LRRD1: variants seen among roughly 807,000 people sequenced by gnomAD.
The protein encoded by LRRD1 is leucine-rich repeat and death domain-containing protein 1.
In LRRD1, 49 loss-of-function variants were observed where a neutral mutation model predicts 69.5. That is an observed-to-expected ratio of 0.70 (90% CI 0.56 to 0.89). The LOEUF (loss-of-function observed/expected upper bound fraction) is 0.89, where lower values mean the gene tolerates loss of function less well. Ranked by LOEUF, LRRD1 falls within the 40% of genes least tolerant of loss-of-function variation. The pLI is 0.00. For missense variants in LRRD1, 853 were observed against 956.0 expected, an observed-to-expected ratio of 0.89 and a Z score of 1.42; for synonymous variants, 303 against 338.9, an observed-to-expected ratio of 0.89 and a Z score of 1.16.
rs981178392 is a variant in LRRD1 at position 92,167,392 on chromosome 7, T to G, written c.-74-2116A>C. Among the ~76,000 whole-genome samples, 4 of 151,536 alleles carry G rather than the reference T, an allele frequency of 2.6e-5. No individual in the cohort carries two copies. The South Asian group carries it at 8.4e-4, about 32-fold the overall frequency. ...TACAGGTGTGAGCCTGTAAACTTTT[T>G]AGTTTTGGTAATTGCACTATGATTA... On this transcript the variant is annotated intron_variant, in intron 1 of 5. Coordinates refer to ENST00000458448, the MANE Select transcript of LRRD1 (RefSeq NM_001161528.2).
At chr7:92,161,859 A>G (rs1040010460) in intron 2 of LRRD1, among the ~76,000 whole-genome samples, 1 of 152,224 alleles carries the variant, frequency 6.6e-6, no homozygotes, top group Non-Finnish European at 1.5e-5. Context: ...AAAAAAAATG[A>G]GAACTATGGG....
intron 4 of LRRD1, among the ~76,000 whole-genome samples, chr7:92,148,727 T>C (rs1372753133): frequency 2.6e-5 from 4 of 152,192 alleles, no homozygotes; most frequent in African/African-American, 7.2e-5. Flanking sequence ...ATCTTTATTC[T>C]ATAGAAATAG....
chr7:92,176,360 A>G (rs965442945), intron 1 of LRRD1, among the ~76,000 whole-genome samples: 1 of 152,156 alleles, frequency 6.6e-6, no homozygotes, highest in Non-Finnish European at 1.5e-5. Flanking sequence ...TAGTTCTAAC[A>G]ACTTTATACA....
chr7:92,148,545 C>A (rs1234062262), intron 4 of LRRD1, among the ~76,000 whole-genome samples: 3 of 152,046 alleles, frequency 2.0e-5, no homozygotes, highest in Non-Finnish European at 4.4e-5. Flanking sequence ...TTGTTAATTG[C>A]AGATAAATAC....
chr7:92,178,445 C>A (rs1584665965), intron 1 of LRRD1, among the ~76,000 whole-genome samples: 1 of 151,932 alleles, frequency 6.6e-6, no homozygotes, highest in African/African-American at 2.4e-5. Context: ...GCGAGGCAGG[C>A]AGATCACTTG....
intron 4 of LRRD1, among the ~76,000 whole-genome samples, chr7:92,148,037 G>C (rs1445892340): frequency 6.6e-6 from 1 of 152,024 alleles, no homozygotes; most frequent in African/African-American, 2.4e-5. Context: ...GGTGCCTCCA[G>C]ATTAGCAATT....
In LRRD1 at chr7:92,154,089, C is replaced by G. The variant is rs890852944; in HGVS notation, c.2117-3394G>C. ...CTGACCTCAGGAGATCCACCTGCCT[C>G]GGTTTTCCAAGGTGCTGGGATTACA... On this transcript the variant is annotated intron_variant, in intron 3 of 5. Transcript: ENST00000458448. Among the ~76,000 whole-genome samples, 3 of 152,068 alleles carry G rather than the reference C, an allele frequency of 2.0e-5. No individual in the cohort carries two copies. In the South Asian group the frequency reaches 6.2e-4, roughly 32 times the overall value.
In LRRD1 at chr7:92,165,085, T is replaced by C; in HGVS notation, c.118A>G (p.Ile40Val). 1 of 1,551,634 alleles carries C rather than the reference T, an allele frequency of 6.4e-7. No homozygotes were observed. Among genetic ancestry groups the C allele is most frequent in the Non-Finnish European group, 8.7e-7 (1 of 1,146,948 alleles). The change falls in exon 2 of 6, where the codon ATA becomes GTA. Residue 40 changes from isoleucine to valine, a missense_variant. Around this residue, in one of 3 missense-constraint regions of LRRD1, gnomAD observed 99 missense variants for 107.0 expected, o/e 0.92. Coordinates refer to ENST00000458448, the MANE Select transcript of LRRD1 (RefSeq NM_001161528.2). ...PGFIKETSNL[I>V]NEASDYLEGK... is the part of the protein sequence containing the mutation. Reference sequence around the variant, plus strand: ...TCCAGGTAATCAGAAGCTTCGTTTATCAAATTTGATGTTTCTTTAATAAAG... The same window carrying C: ...TCCAGGTAATCAGAAGCTTCGTTTACCAAATTTGATGTTTCTTTAATAAAG...
At chr7:92,142,011 T>G (rs1401045053), downstream of LRRD1, 1 of 159,412 alleles carries the variant, frequency 6.3e-6, no homozygotes, top group Non-Finnish European at 1.4e-5. Flanking sequence ...GGTGCCACCT[T>G]AGCTCACTGC....
At chr7:92,153,362 G>C (rs1788568020) in intron 3 of LRRD1, among the ~76,000 whole-genome samples, 1 of 152,046 alleles carries the variant, frequency 6.6e-6, no homozygotes, top group Admixed American at 6.5e-5. Context: ...ACCACGCCCG[G>C]CCTCTTATGC....
Position 92,152,176 on chromosome 7 carries a change from ATATT to A in LRRD1, c.2117-1485_2117-1482del, listed in dbSNP as rs1196464958. 1.0e-4 allele frequency among the ~76,000 whole-genome samples: 8 copies of A among 77,782 alleles called. No individual in the cohort carries two copies. The East Asian group carries it at 1.3e-3, about 13-fold the overall frequency. The allele number at this position is 77,782 out of a possible 152,430, so 51.0% of individuals were successfully genotyped here. ...GTGTGTGTGTGTGTGTGTGTAAAAT[ATATT>A]TATTATAAACCTAGAATTTTATATA... On this transcript the variant is annotated intron_variant, in intron 3 of 5. Transcript: ENST00000458448.
At chr7:92,157,871 C>T (rs1788701446) in intron 3 of LRRD1, among the ~76,000 whole-genome samples, 1 of 151,994 alleles carries the variant, frequency 6.6e-6, no homozygotes, top group African/African-American at 2.4e-5. Flanking sequence ...GCCACCATGC[C>T]CGGCCTAACT....
At chr7:92,169,580 G>A (rs1214493291) in intron 1 of LRRD1, among the ~76,000 whole-genome samples, 1 of 151,990 alleles carries the variant, frequency 6.6e-6, no homozygotes. Flanking sequence ...AACCCAAGAG[G>A]CAGAGGTTGT....
intron 2 of LRRD1, among the ~76,000 whole-genome samples, chr7:92,160,244 T>C (rs573342339): frequency 1.3e-5 from 2 of 152,318 alleles, no homozygotes; most frequent in East Asian, 1.9e-4. Context: ...GCACCTCTAA[T>C]AGCTAAACAA....
chr7:92,176,860 G>A (rs1789209216), intron 1 of LRRD1, among the ~76,000 whole-genome samples: 1 of 151,418 alleles, frequency 6.6e-6, no homozygotes, highest in Non-Finnish European at 1.5e-5. Context: ...ACCATGCCTG[G>A]CCACATTAAT....
chr7:92,150,473 TTAAAATAAAA>T, intron 4 of LRRD1, 51 bp downstream of exon 4: 1 of 1,382,464 alleles, frequency 7.2e-7, no homozygotes, highest in South Asian at 1.7e-5. Context: ...TCCAAAAATA[TTAAAATAAAA>T]TAAAATAAAA....
At chr7:92,172,417 C>T (rs895668550) in intron 1 of LRRD1, among the ~76,000 whole-genome samples, 7 of 151,848 alleles carry the variant, frequency 4.6e-5, no homozygotes, top group Non-Finnish European at 8.8e-5. Context: ...TGTTCACAGG[C>T]GATATTATTT....
chr7:92,154,729 G>A (rs1451887864), intron 3 of LRRD1, among the ~76,000 whole-genome samples: 1 of 151,854 alleles, frequency 6.6e-6, no homozygotes, highest in African/African-American at 2.4e-5. Flanking sequence ...ATTTTGTTTT[G>A]TTTTGGCTTT....
At chr7:92,153,589 G>A (rs1464452934) in intron 3 of LRRD1, among the ~76,000 whole-genome samples, 1 of 151,264 alleles carries the variant, frequency 6.6e-6, no homozygotes, top group Non-Finnish European at 1.5e-5. Context: ...CAGCACTTTG[G>A]GAGGCCAAGG....
Sources: allele counts gnomAD v4.1 joint callset (sites outside exome capture counted in the v4.1 genomes callset), GRCh38; gene constraint gnomAD v4.1.1; regional missense constraint gnomAD v4.1.1; transcripts MANE v1.5; gene names NCBI Gene and HGNC (gene_info 2026-07-23, HGNC 2026-07-21).